CALN1: variants seen among roughly 807,000 people sequenced by gnomAD.
The protein encoded by CALN1 is calneuron 1, also known as calcium-binding protein 8.
CALN1 carries 17 observed loss-of-function variants against 30.6 expected under a neutral mutation model. That is an observed-to-expected ratio of 0.56 (90% CI 0.38 to 0.83). The LOEUF (loss-of-function observed/expected upper bound fraction) is 0.83. Ranked by LOEUF, CALN1 falls within the 40% of genes least tolerant of loss-of-function variation. CALN1 has a pLI of 0.00. For missense variants in CALN1, 291 were observed against 354.9 expected (o/e 0.82, Z 1.45); for synonymous variants, 156 against 131.4 (o/e 1.19, Z -1.28).
intron 3 of CALN1, among the ~76,000 whole-genome samples, chr7:72,174,554 A>G (rs1303935260): frequency 6.6e-6 from 1 of 152,214 alleles, no homozygotes; most frequent in Non-Finnish European, 1.5e-5. Flanking sequence ...TATCCACACC[A>G]TAGAATATCA....
chr7:71,804,989 T>G (rs530994329), intron 6 of CALN1, among the ~76,000 whole-genome samples: 1 of 152,158 alleles, frequency 6.6e-6, no homozygotes, highest in East Asian at 1.9e-4. Context: ...AATAAAAGGA[T>G]GCTGATGGCA....
chr7:72,310,922 A>C (rs1181565638), intron 2 of CALN1, among the ~76,000 whole-genome samples: 1 of 150,658 alleles, frequency 6.6e-6, no homozygotes, highest in Non-Finnish European at 1.5e-5. Flanking sequence ...AAAAAAAAAA[A>C]AAAAAACAAA....
chr7:72,406,459 G>A (rs1806699472), intron 1 of CALN1, among the ~76,000 whole-genome samples: 1 of 152,110 alleles, frequency 6.6e-6, no homozygotes, highest in Non-Finnish European at 1.5e-5. Context: ...TCCTAAGGGT[G>A]ATTAATTTCC....
intron 2 of CALN1, among the ~76,000 whole-genome samples, chr7:72,352,110 T>A (rs2129559335): frequency 6.6e-6 from 1 of 152,312 alleles, no homozygotes; most frequent in South Asian, 2.1e-4. Flanking sequence ...GAGGTTGCAG[T>A]GAGCTGGGAT....
At chr7:72,083,622 A>G (rs915434794) in intron 4 of CALN1, among the ~76,000 whole-genome samples, 2 of 152,064 alleles carry the variant, frequency 1.3e-5, no homozygotes, top group African/African-American at 4.8e-5. Flanking sequence ...AAATGCAAGG[A>G]ATAAAAAATA....
intron 5 of CALN1, among the ~76,000 whole-genome samples, chr7:71,904,325 A>C (rs980881388): frequency 6.6e-6 from 1 of 152,222 alleles, no homozygotes; most frequent in Non-Finnish European, 1.5e-5. Context: ...ATGGGTAAAG[A>C]AAATGTAGTA....
At chr7:72,408,629 G>T (rs1012801222) in intron 1 of CALN1, among the ~76,000 whole-genome samples, 1 of 148,588 alleles carries the variant, frequency 6.7e-6, no homozygotes, top group Non-Finnish European at 1.5e-5. Flanking sequence ...GGATTGCATG[G>T]TGGTCATGAA....
At chr7:72,192,482 GA>G (rs1244863841) in intron 3 of CALN1, among the ~76,000 whole-genome samples, 8 of 152,138 alleles carry the variant, frequency 5.3e-5, no homozygotes, top group Admixed American at 5.2e-4. Context: ...AAAGAGCAGT[GA>G]AAGATGTTTA....
intron 3 of CALN1, among the ~76,000 whole-genome samples, chr7:72,233,772 G>A (rs192201042): frequency 2.8e-4 from 43 of 152,262 alleles, no homozygotes; most frequent in Non-Finnish European, 5.7e-4. Context: ...GAAAGGTCGA[G>A]GCAGGCGGAT....
chr7:71,911,286 CT>C (rs1332584851), intron 5 of CALN1, among the ~76,000 whole-genome samples: 2 of 152,128 alleles, frequency 1.3e-5, no homozygotes, highest in African/African-American at 2.4e-5. Flanking sequence ...TCACGGATTG[CT>C]TATATTTTAC....
At chr7:71,803,999 A>C (rs1787461978) in intron 6 of CALN1, among the ~76,000 whole-genome samples, 1 of 151,636 alleles carries the variant, frequency 6.6e-6, no homozygotes, top group South Asian at 2.1e-4. Context: ...GTTTGTGTTG[A>C]CCTAAAAATT....
At chr7:72,041,128 T>C (rs1046450289) in intron 4 of CALN1, among the ~76,000 whole-genome samples, 16 of 152,046 alleles carry the variant, frequency 1.1e-4, no homozygotes, top group Non-Finnish European at 4.4e-5. Context: ...CCTGTTGCAC[T>C]CTACATAAGA....
chr7:72,314,070 G>T (rs1371964409), intron 2 of CALN1, among the ~76,000 whole-genome samples: 1 of 152,172 alleles, frequency 6.6e-6, no homozygotes, highest in Non-Finnish European at 1.5e-5. Context: ...AGCCTTGGCA[G>T]CAATGAATAA....
chr7:72,081,432 TG>T, intron 4 of CALN1, among the ~76,000 whole-genome samples: 1 of 140,892 alleles, frequency 7.1e-6, no homozygotes, highest in Non-Finnish European at 1.6e-5. Context: ...TGTTTGTTTT[TG>T]GTGTGTGTGT....
intron 2 of CALN1, among the ~76,000 whole-genome samples, chr7:72,386,604 C>A (rs1317390429): frequency 6.6e-6 from 1 of 152,100 alleles, no homozygotes; most frequent in African/African-American, 2.4e-5. Context: ...ATAATAATAG[C>A]TTACAGTTGG....
In CALN1 at chr7:71,980,142, T is replaced by G. The variant is rs939422889; in HGVS notation, c.501+43515A>C. ...ATTCTCTTGTCTCAGACTCCCAAAG[T>G]GCAGGATTACGGGCGTGAGCCACCA... On this transcript the variant is annotated intron_variant, in intron 5 of 6. Coordinates refer to ENST00000395275, the MANE Select transcript of CALN1 (RefSeq NM_031468.4). 6.2e-5 allele frequency among the ~76,000 whole-genome samples: 9 copies of G among 145,874 alleles called. No individual in the cohort carries two copies. In the South Asian group the frequency reaches 1.7e-3, roughly 28 times the overall value.
intron 1 of CALN1, among the ~76,000 whole-genome samples, chr7:72,404,443 C>T (rs1225550182): frequency 1.3e-5 from 2 of 152,222 alleles, no homozygotes; most frequent in Non-Finnish European, 2.9e-5. Context: ...CAAAGACTCT[C>T]TTGAGATGTG....
chr7:72,377,986 C>G (rs1405152724), intron 2 of CALN1, among the ~76,000 whole-genome samples: 3 of 152,042 alleles, frequency 2.0e-5, no homozygotes, highest in Non-Finnish European at 4.4e-5. Flanking sequence ...CCCATTTCCC[C>G]CAAAGCATTT....
chr7:72,012,857 G>A (rs1212098966), intron 5 of CALN1, among the ~76,000 whole-genome samples: 1 of 152,158 alleles, frequency 6.6e-6, no homozygotes, highest in African/African-American at 2.4e-5. Context: ...GTGCAAGGGC[G>A]TGATCTTGGC....
Sources: gnomAD v4.1 joint callset for allele counts (sites outside exome capture counted in the v4.1 genomes callset) on GRCh38, gnomAD v4.1.1 for gene constraint, MANE v1.5 for transcripts, NCBI Gene and HGNC (gene_info 2026-07-23, HGNC 2026-07-21) for gene names.